The following CDH13 variants were observed in gnomAD, a reference collection of about 807,000 sequenced individuals.
CDH13 encodes the protein cadherin 13, also known as cadherin-13.
A neutral mutation model predicts 63.8 loss-of-function variants in CDH13; 24 were observed. That is an observed-to-expected ratio of 0.38 (90% confidence interval 0.27 to 0.53). The LOEUF is 0.53. Ranked by LOEUF, CDH13 falls within the 20% of genes least tolerant of loss-of-function variation. The probability of loss-of-function intolerance (pLI) is 0.85; values close to 1 mark genes in which losing one functional copy is unlikely to be tolerated. For synonymous variants in CDH13, 503 were observed against 355.3 expected (o/e 1.42, Z -4.67); for missense variants, 1,049 against 903.1 (o/e 1.16, Z -2.07).
chr16:83,342,156 G>A (rs907569458), intron 5 of CDH13, among the ~76,000 whole-genome samples: 9 of 151,490 alleles, frequency 5.9e-5, no homozygotes, highest in Admixed American at 6.6e-5. Context: ...GGAGTACTGA[G>A]TTTTTTCATT....
intron 1 of CDH13, among the ~76,000 whole-genome samples, chr16:82,700,178 T>C (rs1424842553): frequency 6.6e-6 from 1 of 152,218 alleles, no homozygotes; most frequent in Admixed American, 6.5e-5. Context: ...TTTAAATGAA[T>C]TTTTCCTGCG....
intron 6 of CDH13, among the ~76,000 whole-genome samples, chr16:83,406,638 G>A (rs1410344875): frequency 6.6e-6 from 1 of 152,048 alleles, no homozygotes; most frequent in Non-Finnish European, 1.5e-5. Flanking sequence ...GCTAATTTTT[G>A]TATTTTTAGT....
At chr16:82,755,170 T>G (rs1354483035) in intron 1 of CDH13, among the ~76,000 whole-genome samples, 2 of 152,196 alleles carry the variant, frequency 1.3e-5, no homozygotes, top group African/African-American at 2.4e-5. Context: ...AGGGACTGTA[T>G]AGAAAATTTG....
At chr16:83,619,347 G>T (rs1909591029) in intron 8 of CDH13, among the ~76,000 whole-genome samples, 1 of 152,238 alleles carries the variant, frequency 6.6e-6, no homozygotes, top group African/African-American at 2.4e-5. Context: ...AGTCATAACA[G>T]AGGGGGACTG....
intron 8 of CDH13, among the ~76,000 whole-genome samples, chr16:83,610,994 A>T (rs534433443): frequency 6.6e-6 from 1 of 152,274 alleles, no homozygotes; most frequent in African/African-American, 2.4e-5. Context: ...TAGCCTTTCC[A>T]ATGTGTATGT....
intron 1 of CDH13, among the ~76,000 whole-genome samples, chr16:82,855,802 C>A (rs1312216306): frequency 1.3e-5 from 2 of 152,156 alleles, no homozygotes; most frequent in Non-Finnish European, 2.9e-5. Flanking sequence ...TCAGGCCAGC[C>A]ACACGGTGAA....
At chr16:82,702,415 C>T (rs1191027667) in intron 1 of CDH13, among the ~76,000 whole-genome samples, 2 of 152,198 alleles carry the variant, frequency 1.3e-5, no homozygotes, top group Non-Finnish European at 2.9e-5. Flanking sequence ...AGCAGGGCCC[C>T]TGTCTTGTTC....
intron 1 of CDH13, among the ~76,000 whole-genome samples, chr16:82,795,085 C>G (rs1597609296): frequency 1.3e-5 from 2 of 152,234 alleles, no homozygotes; most frequent in African/African-American, 4.8e-5. Flanking sequence ...ATACTCATCT[C>G]CAACTGGCTC....
intron 2 of CDH13, among the ~76,000 whole-genome samples, chr16:82,977,514 C>T (rs1909683831): frequency 6.6e-6 from 1 of 152,014 alleles, no homozygotes. Context: ...GGGGCTTTTC[C>T]CCCTTTTGCT....
chr16:82,727,069 C>G (rs1397766713), intron 1 of CDH13, among the ~76,000 whole-genome samples: 1 of 152,156 alleles, frequency 6.6e-6, no homozygotes, highest in Non-Finnish European at 1.5e-5. Flanking sequence ...TAGAAACTGT[C>G]ATTTGGCAAG....
chr16:82,809,032 A>G (rs1035996875), intron 1 of CDH13, among the ~76,000 whole-genome samples: 5 of 152,110 alleles, frequency 3.3e-5, no homozygotes, highest in Non-Finnish European at 5.9e-5. Flanking sequence ...ATGATTGTGA[A>G]CATGCATATA....
intron 10 of CDH13, among the ~76,000 whole-genome samples, chr16:83,700,315 C>T (rs1194044343): frequency 1.3e-5 from 2 of 152,226 alleles, no homozygotes; most frequent in Non-Finnish European, 2.9e-5. Flanking sequence ...GCAGTCCCCA[C>T]CTCGAAAGAA....
At chr16:83,728,551 C>G (rs1328698997) in intron 10 of CDH13, among the ~76,000 whole-genome samples, 1 of 152,136 alleles carries the variant, frequency 6.6e-6, no homozygotes, top group Non-Finnish European at 1.5e-5. Flanking sequence ...AATTTACCCA[C>G]TCAGTCACCA....
rs549980608 is a variant in CDH13 at position 83,552,263 on chromosome 16, A to G, written c.961-50191A>G. On this transcript the variant is annotated intron_variant, in intron 7 of 13. Coordinates refer to ENST00000567109, the MANE Select transcript of CDH13 (RefSeq NM_001257.5). ...CCTGGGGATTCTTTGTGCCATGGAG[A>G]AGAGCATAGTTTGAGGGAGGTCAGA... Among the ~76,000 whole-genome samples the G allele has an allele frequency of 2.6e-5, 4 of 152,212 alleles. No homozygotes were observed. In the South Asian group the frequency reaches 6.2e-4, roughly 24 times the overall value.
At chr16:82,682,027 A>G (rs1914604767) in intron 1 of CDH13, among the ~76,000 whole-genome samples, 1 of 152,170 alleles carries the variant, frequency 6.6e-6, no homozygotes. Flanking sequence ...TGGGGCTCTC[A>G]AGCCCTTGGC....
intron 1 of CDH13, among the ~76,000 whole-genome samples, chr16:82,776,277 AAAAG>A (rs961251795): frequency 2.0e-5 from 3 of 151,394 alleles, no homozygotes; most frequent in Admixed American, 6.6e-5. Context: ...AGAGGGAAGA[AAAAG>A]AAGGAAGGAA....
chr16:83,721,523 A>C (rs3826119), intron 10 of CDH13: 36,613 of 152,168 alleles, frequency 0.24, 4,834 homozygotes, highest in East Asian at 0.55. Context: ...CGCAGTGGGC[A>C]AGACAGGCAT....
chr16:83,315,890 A>T (rs180784465), intron 5 of CDH13, among the ~76,000 whole-genome samples: 5 of 152,278 alleles, frequency 3.3e-5, no homozygotes, highest in South Asian at 4.2e-4. Context: ...AGGTTAATAT[A>T]TGGGAGTATA....
chr16:83,559,656 A>C (rs1057459215), intron 7 of CDH13, among the ~76,000 whole-genome samples: 5 of 152,092 alleles, frequency 3.3e-5, no homozygotes, highest in African/African-American at 1.2e-4. Context: ...GGAGGGAGCG[A>C]GGGAAGGAAA....
Sources: allele counts gnomAD v4.1 joint callset (sites outside exome capture counted in the v4.1 genomes callset), GRCh38; gene constraint gnomAD v4.1.1; transcripts MANE v1.5; gene names NCBI Gene and HGNC (gene_info 2026-07-23, HGNC 2026-07-21).